Variants in PCLO observed in about 807,000 individuals in gnomAD.
The protein encoded by PCLO is piccolo presynaptic cytomatrix protein, also known as protein piccolo.
PCLO carries 82 observed loss-of-function variants against 427.5 expected under a neutral mutation model. The observed-to-expected ratio is 0.19, with a 90% CI of 0.16 to 0.23. The LOEUF is 0.23. PCLO is among the 10% of genes least tolerant of loss of function. The pLI is 1.00. For missense variants in PCLO, 6,239 were observed against 6,115.9 expected (o/e 1.02, Z -0.67); for synonymous variants, 2,357 against 2,155.4 (o/e 1.09, Z -2.59).
chr7:82,762,482 A>G (rs1167215008), intron 22 of PCLO, among the ~76,000 whole-genome samples: 1 of 152,060 alleles, frequency 6.6e-6, no homozygotes, highest in African/African-American at 2.4e-5. Flanking sequence ...TAGATAATTT[A>G]TTCTCAAACA....
At chr7:82,788,765 C>T (rs969427054) in intron 22 of PCLO, among the ~76,000 whole-genome samples, 3 of 151,684 alleles carry the variant, frequency 2.0e-5, no homozygotes, top group African/African-American at 4.8e-5. Flanking sequence ...GTGGAAGAGT[C>T]GAATTGAATC....
intron 6 of PCLO, among the ~76,000 whole-genome samples, chr7:82,940,962 C>T (rs1291369435): frequency 6.6e-6 from 1 of 151,688 alleles, no homozygotes. Context: ...CGGGGTTTCA[C>T]CATGTTAGCC....
intron 4 of PCLO, among the ~76,000 whole-genome samples, chr7:82,962,163 G>A (rs1176059577): frequency 3.9e-5 from 6 of 151,964 alleles, no homozygotes; most frequent in African/African-American, 9.7e-5. Flanking sequence ...AATATAGAAC[G>A]TGCTTTGAAT....
intron 2 of PCLO, among the ~76,000 whole-genome samples, chr7:83,152,211 G>A (rs373276455): frequency 1.1e-4 from 16 of 152,142 alleles, no homozygotes; most frequent in Middle Eastern, 3.4e-3. Context: ...TGATCTGCCC[G>A]CCTCGGCCTC....
chr7:82,814,601 T>C (rs1054442791), intron 20 of PCLO, among the ~76,000 whole-genome samples: 1 of 151,784 alleles, frequency 6.6e-6, no homozygotes, highest in Non-Finnish European at 1.5e-5. Context: ...AAGAACTTTA[T>C]GTTATGTAGG....
At chr7:82,920,574 GTAA>G (rs1189378805) in intron 6 of PCLO, among the ~76,000 whole-genome samples, 3 of 151,754 alleles carry the variant, frequency 2.0e-5, no homozygotes, top group African/African-American at 7.2e-5. Context: ...CATCAATGAG[GTAA>G]TCAAGCTAAC....
chr7:82,968,517 C>CTTTTTTTTTTTTTTTTT (rs11324005), intron 3 of PCLO, among the ~76,000 whole-genome samples: 1 of 73,228 alleles, frequency 1.4e-5, no homozygotes, highest in African/African-American at 4.8e-5. Flanking sequence ...CAGAGTCTGA[C>CTTTTTTTTTTTTTTTTT]TTTTTTTTTT....
intron 2 of PCLO, among the ~76,000 whole-genome samples, chr7:83,146,156 T>C (rs983623573): frequency 1.3e-5 from 2 of 152,202 alleles, no homozygotes; most frequent in Admixed American, 1.3e-4. Flanking sequence ...TCCTTTCATA[T>C]TGAAGTAAGA....
At chr7:83,022,819 G>A (rs547885902) in intron 3 of PCLO, among the ~76,000 whole-genome samples, 130 of 152,064 alleles carry the variant, frequency 8.5e-4, no homozygotes, top group Non-Finnish European at 1.5e-3. Context: ...TGCCTCTGGC[G>A]TAAAAAAAAC....
At chr7:82,884,797 G>T (rs1450682898) in intron 9 of PCLO, among the ~76,000 whole-genome samples, 2 of 151,930 alleles carry the variant, frequency 1.3e-5, no homozygotes, top group Non-Finnish European at 2.9e-5. Flanking sequence ...ATTCACTATG[G>T]TGTTAAAGAA....
chr7:83,162,604 A>C lies in PCLO; in HGVS notation c.-12T>G. ...GCCTCGTTGCCCATGGCTCAGGGAG[A>C]CTCGGGGCCGCCGCGCTCCCTCCTC... On this transcript the variant is annotated 5_prime_UTR_variant, in exon 1 of 25. Coordinates refer to ENST00000333891, the MANE Select transcript of PCLO (RefSeq NM_033026.6). The C allele has an allele frequency of 6.6e-7, 1 of 1,525,986 alleles. No homozygotes were observed. The highest frequency in any genetic ancestry group is 2.1e-4 in the Middle Eastern group (1 of 4,860). The allele number at this position is 1,525,986 out of a possible 1,614,324, so 94.5% of individuals were successfully genotyped here.
intron 3 of PCLO, among the ~76,000 whole-genome samples, chr7:83,009,096 T>A (rs1788017653): frequency 6.6e-6 from 1 of 151,736 alleles, no homozygotes; most frequent in South Asian, 2.1e-4. Context: ...GCCTTTTTAG[T>A]GGGTACTAGA....
chr7:83,047,513 GT>G (rs1316618768), intron 3 of PCLO, among the ~76,000 whole-genome samples: 1 of 151,896 alleles, frequency 6.6e-6, no homozygotes, highest in Non-Finnish European at 1.5e-5. Context: ...TGCATATTGA[GT>G]TGAAAATCCA....
At position 82,822,624 on chromosome 7, in the gene PCLO, C is replaced by T. The variant is rs768746472; in HGVS notation, c.14662G>A (p.Gly4888Ser). The stretch of plus-strand genomic sequence containing the variant: ...GATGGTCCATGAGAACGGAGATGGC[C>T]TTCTGATGATGATTTTGAGCTACCA... ...SPGSSKSSSE[G>S]HLRSHGPSRS... is the part of the protein sequence containing the mutation. Residue 4888 changes from glycine (G) to serine (S), a missense_variant, in exon 20 of 25, where the codon GGC becomes AGC. By Grantham distance (56) the Gly-to-Ser change is moderately conservative. Transcript: ENST00000333891. 9.3e-6 allele frequency: 15 copies of T among 1,613,610 alleles called. No individual in the cohort carries two copies. In the East Asian group the frequency reaches 3.3e-4, roughly 36 times the overall value.
chr7:82,909,078 G>T (rs1794261685), intron 7 of PCLO, 65 bp from the exon 8 acceptor site: 23 of 1,543,140 alleles, frequency 1.5e-5, no homozygotes, highest in Non-Finnish European at 2.0e-5. Flanking sequence ...GAGGGAAGCA[G>T]ATGTTCTGTA....
At chr7:83,162,269 G>C in intron 1 of PCLO, 76 bp downstream of exon 1, 1 of 1,463,958 alleles carries the variant, frequency 6.8e-7, no homozygotes, top group South Asian at 1.3e-5. Flanking sequence ...CGCCGTGCTG[G>C]CACATACAGG....
intron 22 of PCLO, among the ~76,000 whole-genome samples, chr7:82,772,197 A>C (rs544669031): frequency 6.6e-6 from 1 of 151,994 alleles, no homozygotes; most frequent in Non-Finnish European, 1.5e-5. Flanking sequence ...TATCATTTCC[A>C]CCTCTTTTGG....
chr7:83,159,497 T>C (rs559428887), intron 1 of PCLO, among the ~76,000 whole-genome samples: 1 of 152,004 alleles, frequency 6.6e-6, no homozygotes, highest in Non-Finnish European at 1.5e-5. Flanking sequence ...CCATGAGCAT[T>C]TCATTTGTAA....
chr7:82,956,311 C>T lies in PCLO; in HGVS notation c.4642G>A (p.Gly1548Arg). ...SDEYKQEDSQ[G>R]SGEEEDFIRK... ...ATGAAGTCCTCCTCTTCCCCTGATCCTTGGCTGTCTTCCTGTTTATACTCA... is the reference window on the plus strand; with the variant it reads ...ATGAAGTCCTCCTCTTCCCCTGATCTTTGGCTGTCTTCCTGTTTATACTCA... Residue 1548 changes from glycine (G) to arginine (R), a missense_variant, in exon 5 of 25, where the codon GGA (glycine) becomes AGA (arginine). By Grantham distance (125) the Gly-to-Arg change is moderately radical. Transcript: ENST00000333891. 6.2e-7 allele frequency: 1 copy of T among 1,613,012 alleles called. No homozygotes were observed. Among genetic ancestry groups the T allele is most frequent in the Non-Finnish European group, 8.5e-7 (1 of 1,179,860 alleles).
Sources: allele counts gnomAD v4.1 joint callset (sites outside exome capture counted in the v4.1 genomes callset), GRCh38; gene constraint gnomAD v4.1.1; transcripts MANE v1.5; gene names NCBI Gene and HGNC (gene_info 2026-07-23, HGNC 2026-07-21).